MAD1L1: variants seen among roughly 807,000 people sequenced by gnomAD.
MAD1L1 encodes the protein mitotic arrest deficient 1 like 1.
In MAD1L1, 95 loss-of-function variants were observed where a neutral mutation model predicts 96.9. The observed-to-expected ratio is 0.98, with a 90% CI of 0.83 to 1.16. The LOEUF (loss-of-function observed/expected upper bound fraction) is 1.16, where lower values mean the gene tolerates loss of function less well. Among genes scored for constraint, MAD1L1 ranks in the 50% most tolerant of loss-of-function variants. The pLI is 0.00. For synonymous variants in MAD1L1, 473 were observed against 396.6 expected, an observed-to-expected ratio of 1.19 and a Z score of -2.29; for missense variants, 1,007 against 954.4, an observed-to-expected ratio of 1.06 and a Z score of -0.73.
At chr7:2,054,097 C>G (rs1016241050) in intron 12 of MAD1L1, among the ~76,000 whole-genome samples, 12 of 152,206 alleles carry the variant, frequency 7.9e-5, no homozygotes, top group African/African-American at 2.7e-4. Flanking sequence ...CAGCCCACCT[C>G]CCCCAACACA....
chr7:2,225,043 C>T (rs562901747), intron 4 of MAD1L1, among the ~76,000 whole-genome samples: 5 of 152,236 alleles, frequency 3.3e-5, no homozygotes, highest in Non-Finnish European at 7.3e-5. Context: ...GCCAGCACCG[C>T]AGCCTCAATG....
intron 12 of MAD1L1, among the ~76,000 whole-genome samples, chr7:2,048,187 ATGTG>A (rs1784017564): frequency 1.3e-5 from 2 of 152,216 alleles, no homozygotes; most frequent in African/African-American, 4.8e-5. Context: ...GGGTGCACGC[ATGTG>A]CACACTGACG....
intron 11 of MAD1L1, among the ~76,000 whole-genome samples, chr7:2,099,044 G>A (rs1431233430): frequency 1.3e-5 from 2 of 152,206 alleles, no homozygotes; most frequent in South Asian, 2.1e-4. Flanking sequence ...CTCCTGACAC[G>A]ATGGGTGGCA....
At chr7:1,849,148 GCA>G (rs375598850) in intron 18 of MAD1L1, 52 of 88,374 alleles carry the variant, frequency 5.9e-4, no homozygotes, top group Middle Eastern at 2.4e-3. Context: ...GTACACACAT[GCA>G]CACACACACA....
chr7:2,064,214 C>A (rs892182459), intron 12 of MAD1L1, among the ~76,000 whole-genome samples: 2 of 152,180 alleles, frequency 1.3e-5, no homozygotes, highest in African/African-American at 4.8e-5. Flanking sequence ...ACACGAAGAG[C>A]AACATGTCTT....
In MAD1L1 at chr7:1,973,501, C is replaced by T. The variant is rs965986098; in HGVS notation, c.1505+6952G>A. 1.1e-4 allele frequency among the ~76,000 whole-genome samples: 17 copies of T among 152,174 alleles called. No individual in the cohort carries two copies. In the South Asian group the frequency reaches 2.9e-3, roughly 26 times the overall value. ...CACGGAAGGGTGGATGCGAGCTGGGCCCCTACAGTGGGGAATGTGTACCTG... is the reference window on the plus strand; with the variant it reads ...CACGGAAGGGTGGATGCGAGCTGGGTCCCTACAGTGGGGAATGTGTACCTG... On this transcript the variant is annotated intron_variant, in intron 15 of 18. Transcript: ENST00000265854.
At chr7:2,173,858 G>C (rs972338142) in intron 10 of MAD1L1, among the ~76,000 whole-genome samples, 8 of 152,188 alleles carry the variant, frequency 5.3e-5, no homozygotes, top group Non-Finnish European at 1.2e-4. Flanking sequence ...GGGTGCAGTG[G>C]TATGGTCATA....
At chr7:2,104,760 A>C (rs1227524118) in intron 11 of MAD1L1, among the ~76,000 whole-genome samples, 2 of 151,996 alleles carry the variant, frequency 1.3e-5, no homozygotes, top group Non-Finnish European at 2.9e-5. Context: ...GCCATGAAAG[A>C]CCTCACTGCC....
At chr7:1,924,771 G>T (rs1331138556) in intron 17 of MAD1L1, among the ~76,000 whole-genome samples, 1 of 152,058 alleles carries the variant, frequency 6.6e-6, no homozygotes, top group Non-Finnish European at 1.5e-5. Flanking sequence ...TTCTTGGTGG[G>T]GTTTTCCACA....
chr7:1,856,501 G>A (rs1369320475), intron 18 of MAD1L1, among the ~76,000 whole-genome samples: 1 of 152,248 alleles, frequency 6.6e-6, no homozygotes, highest in Non-Finnish European at 1.5e-5. Flanking sequence ...GCCAGCTGTC[G>A]GCTAATCTGC....
chr7:2,064,976 T>C (rs1784818631), intron 12 of MAD1L1, among the ~76,000 whole-genome samples: 1 of 151,676 alleles, frequency 6.6e-6, no homozygotes, highest in African/African-American at 2.4e-5. Flanking sequence ...CCCGGGAGGA[T>C]GGTGGCTTCT....
Position 2,146,752 on chromosome 7 carries a change from C to A in MAD1L1, c.1073+2400G>T, listed in dbSNP as rs1789327640. Among the ~76,000 whole-genome samples the A allele has an allele frequency of 1.3e-5, 2 of 152,354 alleles. No homozygotes were observed. Among genetic ancestry groups the A allele is most frequent in the South Asian group, 4.1e-4 (2 of 4,828 alleles). On this transcript the variant is annotated intron_variant, in intron 11 of 18. Transcript: ENST00000265854. The surrounding 1 kb of genome is among the most constrained non-coding windows in gnomAD (Gnocchi z 6.2). ...TGGCCTCCCATCTTCTGCCATGCCG[C>A]CTCCTTCACGCTCATCTGAATTTCT...
intron 18 of MAD1L1, among the ~76,000 whole-genome samples, chr7:1,860,430 C>CG: frequency 6.6e-6 from 1 of 150,864 alleles, no homozygotes; most frequent in African/African-American, 2.5e-5. Context: ...CCTGTGGTGG[C>CG]CCCTGTCTCC....
At chr7:1,935,797 C>T (rs1778562391) in intron 17 of MAD1L1, among the ~76,000 whole-genome samples, 1 of 152,258 alleles carries the variant, frequency 6.6e-6, no homozygotes, top group African/African-American at 2.4e-5. Context: ...GGCCAGAAAG[C>T]AGCAGCCTCC....
At chr7:2,032,942 C>T (rs1014893617) in intron 12 of MAD1L1, among the ~76,000 whole-genome samples, 7 of 152,244 alleles carry the variant, frequency 4.6e-5, no homozygotes, top group South Asian at 4.1e-4. Context: ...AAGGCGCCCC[C>T]GCAGAAGGAC....
At chr7:2,069,690 A>G (rs1443482786) in intron 11 of MAD1L1, among the ~76,000 whole-genome samples, 1 of 152,222 alleles carries the variant, frequency 6.6e-6, no homozygotes. Context: ...GCAGATGTGC[A>G]GCGTGGTGCG....
chr7:1,838,563 A>G, intron 18 of MAD1L1: 1 of 355,084 alleles, frequency 2.8e-6, no homozygotes, highest in South Asian at 2.3e-5. Context: ...ACGCTCAGCG[A>G]AAGATGCCAG....
intron 11 of MAD1L1, among the ~76,000 whole-genome samples, chr7:2,116,700 A>G (rs1584362300): frequency 6.6e-6 from 1 of 152,146 alleles, no homozygotes; most frequent in East Asian, 1.9e-4. Flanking sequence ...AAACCAGAGA[A>G]GAAGCCTGAG....
intron 11 of MAD1L1, among the ~76,000 whole-genome samples, chr7:2,111,888 G>A (rs556994137): frequency 1.1e-3 from 161 of 152,320 alleles, no homozygotes; most frequent in African/African-American, 3.8e-3. Context: ...AGGATGCCAG[G>A]ATCCAGCAGT....
Sources: allele counts gnomAD v4.1 joint callset (sites outside exome capture counted in the v4.1 genomes callset), GRCh38; gene constraint gnomAD v4.1.1; non-coding constraint Gnocchi (gnomAD v3.1); transcripts MANE v1.5; gene names NCBI Gene and HGNC (gene_info 2026-07-23, HGNC 2026-07-21).